Variants in TEX26 observed in about 807,000 individuals in gnomAD.
TEX26 encodes testis-expressed protein 26.
Under a neutral mutation model 35.3 loss-of-function variants are expected in TEX26, and 34 were observed. That is an observed-to-expected ratio of 0.96 (90% CI 0.73 to 1.28). TEX26 has a LOEUF of 1.28. TEX26 is among the 50% of genes most tolerant of loss of function. The pLI, the probability that TEX26 is intolerant of heterozygous loss-of-function variation, is 0.00. For synonymous variants in TEX26, 136 were observed against 111.8 expected (o/e 1.22, Z -1.36); for missense variants, 371 against 330.1 (o/e 1.12, Z -0.96).
chr13:30,957,069 G>A (rs745421382), intron 4 of TEX26, 40 bp downstream of exon 4: 1 of 1,599,320 alleles, frequency 6.3e-7, no homozygotes, highest in Non-Finnish European at 8.5e-7. Context: ...GGGTCATGTG[G>A]TAGGCCCTGG....
intron 1 of TEX26, among the ~76,000 whole-genome samples, chr13:30,934,767 T>C (rs930710750): frequency 1.3e-5 from 2 of 152,112 alleles, no homozygotes; most frequent in African/African-American, 2.4e-5. Flanking sequence ...AAACTGCAGC[T>C]ACAGACCCAG....
At chr13:30,932,810 G>C in intron 1 of TEX26, 34 bp downstream of exon 1, 3 of 1,606,834 alleles carry the variant, frequency 1.9e-6, no homozygotes, top group Non-Finnish European at 2.5e-6. Flanking sequence ...CTGCGGGGCG[G>C]GGCTGGGGTC....
chr13:30,965,322 T>C (rs1432554579), intron 4 of TEX26, among the ~76,000 whole-genome samples: 2 of 152,248 alleles, frequency 1.3e-5, no homozygotes, highest in Non-Finnish European at 2.9e-5. Context: ...GTAGGTACCA[T>C]TATAAATCGT....
chr13:30,963,022 G>T (rs1204791092), intron 4 of TEX26, among the ~76,000 whole-genome samples: 1 of 151,800 alleles, frequency 6.6e-6, no homozygotes, highest in Non-Finnish European at 1.5e-5. Context: ...TAGGGACGGG[G>T]TTTCTCAGTG....
Position 30,952,708 on chromosome 13 carries a change from T to G in TEX26, c.195T>G (p.Pro65=), listed in dbSNP as rs1295154906. ...GATATACATATTCACTTAGTGATCC[T>G]ATTCTCAATCAGACACAATATAGTG... is the stretch of plus-strand genomic sequence containing the variant. ...RLGYTYSLSD[P]ILNQTQYSDE... The change falls in exon 3 of 7, where the codon CCT becomes CCG. Residue 65 remains proline, a synonymous_variant. Transcript: ENST00000380473. 6.2e-7 allele frequency: 1 copy of G among 1,611,166 alleles called. No individual in the cohort carries two copies. The highest frequency in any genetic ancestry group is 8.5e-7 in the Non-Finnish European group (1 of 1,178,842).
intron 1 of TEX26, among the ~76,000 whole-genome samples, chr13:30,939,435 T>C (rs1432517762): frequency 6.6e-6 from 1 of 152,240 alleles, no homozygotes; most frequent in Non-Finnish European, 1.5e-5. Context: ...TATTTTTATG[T>C]CTGTCTTTAA....
chr13:30,944,292 T>A (rs991469731), intron 2 of TEX26, among the ~76,000 whole-genome samples: 2 of 152,030 alleles, frequency 1.3e-5, no homozygotes, highest in African/African-American at 4.8e-5. Flanking sequence ...TTCTGTGGTG[T>A]CAGTTGAAAT....
At chr13:30,941,484 T>C (rs1387976710) in intron 2 of TEX26, among the ~76,000 whole-genome samples, 1 of 152,222 alleles carries the variant, frequency 6.6e-6, no homozygotes, top group Non-Finnish European at 1.5e-5. Context: ...AGTTTCAGTA[T>C]AAAAATTTTA....
intron 4 of TEX26, among the ~76,000 whole-genome samples, chr13:30,959,152 T>C (rs1297621766): frequency 6.6e-6 from 1 of 152,214 alleles, no homozygotes; most frequent in Non-Finnish European, 1.5e-5. Context: ...CCTAACTTCT[T>C]GTTTACAGTT....
At chr13:30,968,824 GC>G in intron 5 of TEX26, 60 bp from the exon 6 acceptor site, 2 of 1,534,560 alleles carry the variant, frequency 1.3e-6, no homozygotes, top group Non-Finnish European at 1.8e-6. Flanking sequence ...AACAATAAGG[GC>G]AAGACTGGTG....
At chr13:30,954,317 C>T (rs1168816764) in intron 3 of TEX26, among the ~76,000 whole-genome samples, 1 of 113,078 alleles carries the variant, frequency 8.8e-6, no homozygotes, top group Non-Finnish European at 1.9e-5. Context: ...CACACACACA[C>T]ACATATATGT....
At chr13:30,964,939 CTG>C (rs1393364365) in intron 4 of TEX26, among the ~76,000 whole-genome samples, 2 of 152,208 alleles carry the variant, frequency 1.3e-5, no homozygotes, top group African/African-American at 4.8e-5. Context: ...CCTCCCAACA[CTG>C]TTGCATTAGG....
chr13:30,939,263 G>A (rs118034985), intron 1 of TEX26, among the ~76,000 whole-genome samples: 2,118 of 152,310 alleles, frequency 0.014, 20 homozygotes, highest in Admixed American at 0.027. Flanking sequence ...GTAAGGAGAT[G>A]TCCATTATAA....
intron 2 of TEX26, among the ~76,000 whole-genome samples, chr13:30,943,183 G>T (rs1953576838): frequency 6.6e-6 from 1 of 152,018 alleles, no homozygotes; most frequent in African/African-American, 2.4e-5. Context: ...GTAGTGTTTT[G>T]TAGCTCTCCT....
chr13:30,963,594 AT>A (rs1438028873), intron 4 of TEX26, among the ~76,000 whole-genome samples: 1 of 152,196 alleles, frequency 6.6e-6, no homozygotes, highest in African/African-American at 2.4e-5. Flanking sequence ...TCAGATATTA[AT>A]TGCTAATCCA....
intron 3 of TEX26, among the ~76,000 whole-genome samples, 193 bp downstream of exon 3, chr13:30,953,018 T>C (rs536513723): frequency 1.3e-5 from 2 of 152,342 alleles, no homozygotes; most frequent in East Asian, 3.9e-4. Flanking sequence ...CCTGGAGTTT[T>C]TTTTAAAAAA....
intron 2 of TEX26, among the ~76,000 whole-genome samples, chr13:30,943,335 C>CA (rs545580675): frequency 2.9e-3 from 444 of 152,156 alleles, no homozygotes; most frequent in Non-Finnish European, 5.3e-3. Context: ...GATTTGTGTA[C>CA]ATTGATTTTG....
At chr13:30,940,118 A>G (rs916798647) in intron 2 of TEX26, among the ~76,000 whole-genome samples, 3 of 152,128 alleles carry the variant, frequency 2.0e-5, no homozygotes, top group Non-Finnish European at 1.5e-5. Context: ...TAGAGTAGGC[A>G]GGCAATGACA....
intron 1 of TEX26, chr13:30,936,994 C>T (rs1953295935): frequency 1.0e-6 from 1 of 984,960 alleles, no homozygotes; most frequent in Non-Finnish European, 1.2e-6. Context: ...AGAAATACAG[C>T]CCTTACAAAA....
Sources: allele counts gnomAD v4.1 joint callset (sites outside exome capture counted in the v4.1 genomes callset), GRCh38; gene constraint gnomAD v4.1.1; transcripts MANE v1.5; gene names NCBI Gene and HGNC (gene_info 2026-07-23, HGNC 2026-07-21).